The following OR10G4 variants were observed in gnomAD, a reference collection of about 807,000 sequenced individuals.
OR10G4 encodes the protein olfactory receptor 10G4.
For missense variants in OR10G4, 318 were observed against 388.8 expected (o/e 0.82, Z 1.53); for synonymous variants, 130 against 159.3 (o/e 0.82, Z 1.39).
Position 124,015,787 on chromosome 11 carries a change from C to G in OR10G4, c.213C>G (p.Phe71Leu). Residue 71 changes from phenylalanine (F) to leucine (L), a missense_variant, in exon 2 of 2, where the codon TTC becomes TTG. By Grantham distance (22) the Phe-to-Leu change is conservative. Transcript: ENST00000641722. The stretch of plus-strand genomic sequence containing the variant: ...ACCTGTCCTTCATTGACATGTGGTT[C>G]TCCACTGTCACGGTGCCCAAAATGC... ...LTNLSFIDMWFSTVTVPKMLM... is the reference protein window; with the variant it reads ...LTNLSFIDMWLSTVTVPKMLM... 3 of 1,602,188 alleles carry G rather than the reference C, an allele frequency of 1.9e-6. No homozygotes were observed. The highest frequency in any genetic ancestry group is 2.6e-6 in the Non-Finnish European group (3 of 1,170,338).
rs926658024 is a variant in OR10G4, at chr11:124,015,383, G to A, written c.-27-165G>A. The A allele has an allele frequency of 7.3e-6, 5 of 685,668 alleles. No individual in the cohort carries two copies. In the Admixed American group the frequency reaches 1.2e-4, roughly 16 times the overall value. The allele number at this position is 685,668 out of a possible 1,614,324, so 42.5% of individuals were successfully genotyped here. ...TGCACCTGTGTGCATGTGTGTGAGA[G>A]AGGCTGAAATAATTTCATCATCATC... On this transcript the variant is annotated intron_variant, in intron 1 of 1. Transcript: ENST00000641722.
rs763097233 is a variant in OR10G4, at chr11:124,016,049, A to G, written c.475A>G (p.Thr159Ala). Reference sequence around the variant, plus strand: ...TGGCTCTCTGCACTCTGCTGTCCAGACCATATTGACTTTCCATTTGCCCTA... The same window carrying G: ...TGGCTCTCTGCACTCTGCTGTCCAGGCCATATTGACTTTCCATTTGCCCTA... ...LSGSLHSAVQ[T>A]ILTFHLPYCG... Residue 159 changes from threonine (T) to alanine (A), a missense_variant, in exon 2 of 2, where the codon ACC (threonine) becomes GCC (alanine). Transcript: ENST00000641722. 7.4e-6 allele frequency: 12 copies of G among 1,613,840 alleles called. 1 individual carries two copies. The African/African-American group carries it at 8.0e-5, about 11-fold the overall frequency.
In OR10G4 at chr11:124,016,922, A is replaced by G. The variant is rs970354228; in HGVS notation, c.*412A>G. 6.4e-6 allele frequency: 1 copy of G among 156,344 alleles called. No individual in the cohort carries two copies. Among genetic ancestry groups the G allele is most frequent in the Non-Finnish European group, 1.4e-5 (1 of 70,838 alleles). The allele number at this position is 156,344 out of a possible 1,614,324, so 9.7% of individuals were successfully genotyped here. A position where few individuals can be genotyped will look rare whatever the true frequency, so the allele number is the denominator to read the frequency against. On this transcript the variant is annotated 3_prime_UTR_variant, in exon 2 of 2. Coordinates refer to ENST00000641722, the MANE Select transcript of OR10G4 (RefSeq NM_001004462.2). The stretch of plus-strand genomic sequence containing the variant: ...AAATATTATTCAAAACCAGCAAAAA[A>G]TATCATTTTTCTAATTGTGGCTGTT...
rs779455561 is a variant in OR10G4 at position 124,016,210 on chromosome 11, G to C, written c.636G>C (p.Leu212=). The change falls in exon 2 of 2, where the codon CTG becomes CTC. Residue 212 remains leucine, a synonymous_variant. Transcript: ENST00000641722. ...TAGTGGCCTCAGGCTGCTTTGTCCTGATAGTGCTGTCCTATGTGTCCATCG... is the reference window on the plus strand; with the variant it reads ...TAGTGGCCTCAGGCTGCTTTGTCCTCATAGTGCTGTCCTATGTGTCCATCG... ...IGIVASGCFV[L]IVLSYVSIVC... The C allele has an allele frequency of 1.9e-5, 30 of 1,614,172 alleles. No individual in the cohort carries two copies. The highest frequency in any genetic ancestry group is 4.5e-5 in the East Asian group (2 of 44,874).
intron 1 of OR10G4, chr11:124,015,309 CTAATA>C (rs771192249): frequency 7.4e-6 from 4 of 537,348 alleles, no homozygotes; most frequent in Non-Finnish European, 1.3e-5. Context: ...CAATGGAAAT[CTAATA>C]TAGTGTTTCT....
chr11:124,018,094 A>G lies in OR10G4; in HGVS notation c.*1584A>G, dbSNP rs1864035912. On this transcript the variant is annotated 3_prime_UTR_variant, in exon 2 of 2. Coordinates refer to ENST00000641722, the MANE Select transcript of OR10G4 (RefSeq NM_001004462.2). ...TACACATAAAAAACTCAATTATAGT[A>G]GATAAGAGATATAAATGTGGTGGAC... The G allele has an allele frequency of 6.6e-6, 1 of 152,274 alleles. No individual in the cohort carries two copies. The highest frequency in any genetic ancestry group is 1.5e-5 in the Non-Finnish European group (1 of 68,048). 9.4% of individuals were successfully genotyped at this position (152,274 alleles called of 1,614,324 possible).
rs1264870736 is a variant in OR10G4 at position 124,015,935 on chromosome 11, C to T, written c.361C>T (p.Arg121Cys). The change falls in exon 2 of 2, where the codon CGC (arginine) becomes TGC (cysteine). Residue 121 changes from arginine to cysteine, a missense_variant. Arg to Cys is a radical substitution (Grantham distance 180). Transcript: ENST00000641722. Reference sequence around the variant, plus strand: ...CCTCTACACAGTCATGTCCTATGATCGCTACTTGGCCATCAGTTACCCGCT... The same window carrying T: ...CCTCTACACAGTCATGTCCTATGATTGCTACTTGGCCATCAGTTACCCGCT... ...CFLYTVMSYD[R>C]YLAISYPLRY... The T allele has an allele frequency of 1.9e-6, 3 of 1,613,722 alleles. No homozygotes were observed. The highest frequency in any genetic ancestry group is 1.1e-5 in the South Asian group (1 of 91,066).
Position 124,018,422 on chromosome 11 carries a change from A to T in OR10G4, c.*1912A>T, listed in dbSNP as rs534259770. 7.6e-6 allele frequency: 1 copy of T among 131,768 alleles called. No individual in the cohort carries two copies. Among genetic ancestry groups the T allele is most frequent in the African/African-American group, 2.9e-5 (1 of 34,114 alleles). The allele number at this position is 131,768 out of a possible 1,614,324, so 8.2% of individuals were successfully genotyped here. A position where few individuals can be genotyped will look rare whatever the true frequency, so the allele number is the denominator to read the frequency against. On this transcript the variant is annotated 3_prime_UTR_variant, in exon 2 of 2. Transcript: ENST00000641722. ...TGTGTCCATGTGTTCTCATTGTTCA[A>T]CTCCCACTTATGAGTGAGAACATGT...
At chr11:124,013,749 A>G (rs190320433) in intron 1 of OR10G4, among the ~76,000 whole-genome samples, 1 of 152,226 alleles carries the variant, frequency 6.6e-6, no homozygotes, top group East Asian at 1.9e-4. Flanking sequence ...CTGAATACCA[A>G]TTGTACAGAA....
chr11:124,016,692 A>G lies in OR10G4; in HGVS notation c.*182A>G. The G allele has an allele frequency of 2.1e-6, 1 of 473,862 alleles. No individual in the cohort carries two copies. The highest frequency in any genetic ancestry group is 3.6e-6 in the Non-Finnish European group (1 of 274,786). The allele number at this position is 473,862 out of a possible 1,614,324, so 29.4% of individuals were successfully genotyped here. A position where few individuals can be genotyped will look rare whatever the true frequency, so the allele number is the denominator to read the frequency against. ...CCTCACAGCTAGACTTATATTTATG[A>G]TGAACATGATTATATTCTGAATTAT... On this transcript the variant is annotated 3_prime_UTR_variant, in exon 2 of 2. Coordinates refer to ENST00000641722, the MANE Select transcript of OR10G4 (RefSeq NM_001004462.2).
rs574962070 is a variant in OR10G4 at position 124,015,680 on chromosome 11, A to G, written c.106A>G (p.Thr36Ala). Reference protein sequence around the residue: ...FGIFLVVYVLTVLGNLLILLV... With the variant: ...FGIFLVVYVLAVLGNLLILLV... Reference sequence around the variant, plus strand: ...AATCTTCCTGGTGGTTTACGTGCTCACTGTGCTGGGGAACCTCCTCATCCT... The same window carrying G: ...AATCTTCCTGGTGGTTTACGTGCTCGCTGTGCTGGGGAACCTCCTCATCCT... The change falls in exon 2 of 2, where the codon ACT becomes GCT. Residue 36 changes from threonine to alanine, a missense_variant. Coordinates refer to ENST00000641722, the MANE Select transcript of OR10G4 (RefSeq NM_001004462.2). 8 of 1,610,158 alleles carry G rather than the reference A, an allele frequency of 5.0e-6. No homozygotes were observed. The highest frequency in any genetic ancestry group is 5.9e-6 in the Non-Finnish European group (7 of 1,177,620).
In OR10G4 at chr11:124,016,827, T is replaced by A. The variant is rs144810572; in HGVS notation, c.*317T>A. 9.4e-3 allele frequency: 1,720 copies of A among 182,586 alleles called. 15 individuals carry two copies. The highest frequency in any genetic ancestry group is 0.018 in the Admixed American group (315 of 17,426). The allele number at this position is 182,586 out of a possible 1,614,324, so 11.3% of individuals were successfully genotyped here. A position where few individuals can be genotyped will look rare whatever the true frequency, so the allele number is the denominator to read the frequency against. ...ATAAATTGATAAACGGTTTTTGTGTTTTGTTTGATTTCATATACACATAAA... is the reference window on the plus strand; with the variant it reads ...ATAAATTGATAAACGGTTTTTGTGTATTGTTTGATTTCATATACACATAAA... On this transcript the variant is annotated 3_prime_UTR_variant, in exon 2 of 2. Coordinates refer to ENST00000641722, the MANE Select transcript of OR10G4 (RefSeq NM_001004462.2).
rs766859007 is a variant in OR10G4, at chr11:124,015,544, C to A, written c.-27-4C>A. On this transcript the variant is annotated splice_region_variant and splice_polypyrimidine_tract_variant and intron_variant, in intron 1 of 1. Coordinates refer to ENST00000641722, the MANE Select transcript of OR10G4 (RefSeq NM_001004462.2). The stretch of plus-strand genomic sequence containing the variant: ...TAAATGCTGGGTGCTCTTTATATCC[C>A]CAGAGGGAGAGAGACCAAGGGTGAG... The A allele has an allele frequency of 8.7e-6, 14 of 1,602,118 alleles. No homozygotes were observed. The Middle Eastern group carries it at 5.0e-4, about 57-fold the overall frequency.
Position 124,015,621 on chromosome 11 carries a change from C to G in OR10G4, c.47C>G (p.Pro16Arg). 1 of 1,603,314 alleles carries G rather than the reference C, an allele frequency of 6.2e-7. No individual in the cohort carries two copies. Among genetic ancestry groups the G allele is most frequent in the Non-Finnish European group, 8.5e-7 (1 of 1,174,078 alleles). ...LVTAFILTGL[P>R]HAPGLDALLF... is the part of the protein sequence containing the mutation. ...ACAGCATTCATCCTCACAGGCCTTC[C>G]CCATGCCCCAGGGCTGGACGCCCTC... Residue 16 changes from proline to arginine, a missense_variant, in exon 2 of 2, where the codon CCC becomes CGC. By Grantham distance (103) the Pro-to-Arg change is moderately radical (BLOSUM62 -2). Coordinates refer to ENST00000641722, the MANE Select transcript of OR10G4 (RefSeq NM_001004462.2).
At position 124,016,405 on chromosome 11, in the gene OR10G4, G is replaced by T. The variant is rs753564169; in HGVS notation, c.831G>T (p.Val277=). The change falls in exon 2 of 2, where the codon GTG becomes GTT. Residue 277 remains valine, a synonymous_variant. Transcript: ENST00000641722. ...GAGTTGTGGCCATTTTCTACACTGT[G>T]CTGACGCCCCTTCTCAACCCTGTTG... ...MDGVVAIFYT[V]LTPLLNPVVY... is the part of the protein sequence containing the mutation. The T allele has an allele frequency of 6.2e-7, 1 of 1,614,196 alleles. No homozygotes were observed. The highest frequency in any genetic ancestry group is 1.7e-5 in the Admixed American group (1 of 60,018).
At position 124,016,182 on chromosome 11, in the gene OR10G4, G is replaced by A. The variant is rs138601191; in HGVS notation, c.608G>A (p.Gly203Glu). ...GTGATGGTCATCTTTGTGGACATTGGGATAGTGGCCTCAGGCTGCTTTGTC... is the reference window on the plus strand; with the variant it reads ...GTGATGGTCATCTTTGTGGACATTGAGATAGTGGCCTCAGGCTGCTTTGTC... ...ANVMVIFVDI[G>E]IVASGCFVLI... Residue 203 changes from glycine (G) to glutamate (E), a missense_variant, in exon 2 of 2, where the codon GGG becomes GAG. Transcript: ENST00000641722. 8 of 1,614,082 alleles carry A rather than the reference G, an allele frequency of 5.0e-6. No individual in the cohort carries two copies. In the African/African-American group the frequency reaches 8.0e-5, roughly 16 times the overall value.
Position 124,018,653 on chromosome 11 carries a change from A to G in OR10G4, c.*2143A>G, listed in dbSNP as rs1480082442. The G allele has an allele frequency of 6.6e-6, 1 of 152,170 alleles. No homozygotes were observed. Among genetic ancestry groups the G allele is most frequent in the East Asian group, 1.9e-4 (1 of 5,196 alleles). The allele number at this position is 152,170 out of a possible 1,614,324, so 9.4% of individuals were successfully genotyped here. Reference sequence around the variant, plus strand: ...TCTTTGCTATTGTGAACAATGCTGCAATAAACATACATGTGCATGTGTCTT... The same window carrying G: ...TCTTTGCTATTGTGAACAATGCTGCGATAAACATACATGTGCATGTGTCTT... On this transcript the variant is annotated 3_prime_UTR_variant, in exon 2 of 2. Coordinates refer to ENST00000641722, the MANE Select transcript of OR10G4 (RefSeq NM_001004462.2).
rs1044880824 is a variant in OR10G4 at position 124,017,663 on chromosome 11, A to G, written c.*1153A>G. On this transcript the variant is annotated 3_prime_UTR_variant, in exon 2 of 2. Transcript: ENST00000641722. ...GGAGACTCATATTTTTAAAATGCCA[A>G]TTCCATTCAAATTGATCTATAGATT... is the stretch of plus-strand genomic sequence containing the variant. The G allele has an allele frequency of 5.3e-5, 8 of 152,230 alleles. No individual in the cohort carries two copies. Among genetic ancestry groups the G allele is most frequent in the African/African-American group, 1.9e-4 (8 of 41,466 alleles). 9.4% of individuals were successfully genotyped at this position (152,230 alleles called of 1,614,324 possible).
rs202094273 is a variant in OR10G4 at position 124,016,359 on chromosome 11, G to C, written c.785G>C (p.Gly262Ala). 4 of 1,614,160 alleles carry C rather than the reference G, an allele frequency of 2.5e-6. No individual in the cohort carries two copies. Among genetic ancestry groups the C allele is most frequent in the Middle Eastern group, 1.6e-4 (1 of 6,062 alleles). Residue 262 changes from glycine to alanine, a missense_variant, in exon 2 of 2, where the codon GGC becomes GCC. Coordinates refer to ENST00000641722, the MANE Select transcript of OR10G4 (RefSeq NM_001004462.2). ...VPCVVIYLRP[G>A]SMDAMDGVVA... is the part of the protein sequence containing the mutation. ...TGTGTTGTCATTTATCTGAGGCCAG[G>C]CTCCATGGATGCCATGGATGGAGTT...
Sources: allele counts gnomAD v4.1 joint callset (sites outside exome capture counted in the v4.1 genomes callset), GRCh38; gene constraint gnomAD v4.1.1; transcripts MANE v1.5; gene names NCBI Gene and HGNC (gene_info 2026-07-23, HGNC 2026-07-21).